CNNM4: variants seen among roughly 807,000 people sequenced by gnomAD.
The protein encoded by CNNM4 is metal transporter CNNM4.
In CNNM4, 32 loss-of-function variants were observed where a neutral mutation model predicts 53.7. That is an observed-to-expected ratio of 0.60 (90% CI 0.45 to 0.80). The LOEUF (loss-of-function observed/expected upper bound fraction) is 0.80. Among genes scored for constraint, CNNM4 ranks in the 30% least tolerant of loss-of-function variants. The probability of loss-of-function intolerance (pLI) is 0.00; values close to 1 mark genes in which losing one functional copy is unlikely to be tolerated. For synonymous variants in CNNM4, 410 were observed against 440.0 expected (o/e 0.93, Z 0.85); for missense variants, 784 against 1,022.0 (o/e 0.77, Z 3.17).
chr2:96,764,717 G>A lies in CNNM4; in HGVS notation c.1402+2316G>A, dbSNP rs76106524. On this transcript the variant is annotated intron_variant, in intron 1 of 6. Coordinates refer to ENST00000377075, the MANE Select transcript of CNNM4 (RefSeq NM_020184.4). The stretch of plus-strand genomic sequence containing the variant: ...TTTAAGAGTTTCTTGGCCAGGCGCG[G>A]TGGCTCATGCCTGTAATCCCAGCAC... Among the ~76,000 whole-genome samples, 49 of 152,286 alleles carry A rather than the reference G, an allele frequency of 3.2e-4. No individual in the cohort carries two copies. In the East Asian group the frequency reaches 7.7e-3, roughly 24 times the overall value.
rs2079119795 is a variant in CNNM4 at position 96,797,976 on chromosome 2, C to G, written c.1681+329C>G. ...GGCCGAGGCAGGAGGATTGCATGAG[C>G]CCAGGAGTTCGAGACCAGCCTGAGC... On this transcript the variant is annotated intron_variant, in intron 3 of 6. Coordinates refer to ENST00000377075, the MANE Select transcript of CNNM4 (RefSeq NM_020184.4). The surrounding 1 kb of genome is among the most constrained non-coding windows in gnomAD (Gnocchi z 6.0). Among the ~76,000 whole-genome samples the G allele has an allele frequency of 6.6e-6, 1 of 152,074 alleles. No homozygotes were observed. Among genetic ancestry groups the G allele is most frequent in the Admixed American group, 6.5e-5 (1 of 15,272 alleles).
Position 96,782,411 on chromosome 2 carries a change from C to CAA in CNNM4, c.1403-14586_1403-14585dup, listed in dbSNP as rs763103436. 1.7e-3 allele frequency among the ~76,000 whole-genome samples: 139 copies of CAA among 81,140 alleles called. 1 individual carries two copies. The highest frequency in any genetic ancestry group is 4.9e-3 in the African/African-American group (127 of 25,764). The allele number at this position is 81,140 out of a possible 152,430, so 53.2% of individuals were successfully genotyped here. A position where few individuals can be genotyped will look rare whatever the true frequency, so the allele number is the denominator to read the frequency against. ...TGGGCGACAGAGTGAGACATTGTCTCAAAAAAAAAAAAAAAAGAATTTTGG... is the reference window on the plus strand; with the variant it reads ...TGGGCGACAGAGTGAGACATTGTCTCAAAAAAAAAAAAAAAAAAGAATTTTGG... On this transcript the variant is annotated intron_variant, in intron 1 of 6. Transcript: ENST00000377075.
intron 4 of CNNM4, 46 bp downstream of exon 4, chr2:96,799,272 T>TG: frequency 6.2e-7 from 1 of 1,608,886 alleles, no homozygotes; most frequent in Non-Finnish European, 8.5e-7. Context: ...CCCCTGGCAC[T>TG]GCAGCAACCC....
At chr2:96,788,468 G>A (rs576217753) in intron 1 of CNNM4, 11 of 152,236 alleles carry the variant, frequency 7.2e-5, no homozygotes, top group East Asian at 5.8e-4. Context: ...TGCCCTCCCC[G>A]AGGCTAGAGG....
Position 96,799,181 on chromosome 2 carries a change from G to A in CNNM4, c.1806G>A (p.Leu602=), listed in dbSNP as rs200620451. ...EHNKYYARHY[L]YTRNKPADYF... The stretch of plus-strand genomic sequence containing the variant: ...ATAAGTACTACGCCCGCCATTACCT[G>A]TACACCCGAAATAAGCCGGCCGACT... The change falls in exon 4 of 7, where the codon CTG becomes CTA. Residue 602 remains leucine (L), a synonymous_variant. Transcript: ENST00000377075. The A allele has an allele frequency of 1.2e-6, 2 of 1,614,172 alleles. No homozygotes were observed. The highest frequency in any genetic ancestry group is 2.2e-5 in the East Asian group (1 of 44,888).
At chr2:96,781,187 G>A (rs2078972782) in intron 1 of CNNM4, among the ~76,000 whole-genome samples, 1 of 151,750 alleles carries the variant, frequency 6.6e-6, no homozygotes, top group Non-Finnish European at 1.5e-5. Context: ...CACTGTGTTA[G>A]CCAAGATGGT....
Position 96,799,118 on chromosome 2 carries a change from C to T in CNNM4, c.1743C>T (p.Tyr581=), listed in dbSNP as rs1432600424. 3 of 1,613,948 alleles carry T rather than the reference C, an allele frequency of 1.9e-6. No homozygotes were observed. In the African/African-American group the frequency reaches 4.0e-5, roughly 22 times the overall value. Residue 581 remains tyrosine (Y), a synonymous_variant, in exon 4 of 7, where the codon TAC becomes TAT. Transcript: ENST00000377075. Reference sequence around the variant, plus strand: ...AGATCCTGCTGCGGCTACTCAAGTACCCAGATGTCATTCAGGAACTCAAGT... The same window carrying T: ...AGATCCTGCTGCGGCTACTCAAGTATCCAGATGTCATTCAGGAACTCAAGT... ...SEKILLRLLK[Y]PDVIQELKFD... is the part of the protein sequence containing the mutation.
chr2:96,807,167 C>T (rs755252657), intron 5 of CNNM4, among the ~76,000 whole-genome samples: 14 of 152,172 alleles, frequency 9.2e-5, no homozygotes, highest in Non-Finnish European at 1.8e-4. Context: ...AAAGCCACCA[C>T]GCCTGGCTAA....
intron 1 of CNNM4, among the ~76,000 whole-genome samples, chr2:96,784,238 G>A (rs924778560): frequency 2.0e-5 from 3 of 152,098 alleles, no homozygotes; most frequent in Admixed American, 1.3e-4. Context: ...CTGCACTCTA[G>A]CCTGGGTGGC....
rs1433633249 is a variant in CNNM4, at chr2:96,761,824, C to T, written c.825C>T (p.Ser275=). Residue 275 remains serine (S), a synonymous_variant, in exon 1 of 7, where the codon TCC becomes TCT. Transcript: ENST00000377075. This position sits in a 1 kb window ranked among gnomAD's most constrained non-coding sequence, Gnocchi z 6.0. ...IGSGLMAVAS[S]TIGIVIFGEI... ...CCGGCCTCATGGCGGTGGCCTCCTC[C>T]ACCATTGGCATTGTCATCTTTGGGG... 6.2e-7 allele frequency: 1 copy of T among 1,614,104 alleles called. No individual in the cohort carries two copies. Among genetic ancestry groups the T allele is most frequent in the Admixed American group, 1.7e-5 (1 of 60,026 alleles).
At chr2:96,798,708 G>A (rs1017129186) in intron 3 of CNNM4, among the ~76,000 whole-genome samples, 7 of 152,130 alleles carry the variant, frequency 4.6e-5, no homozygotes, top group African/African-American at 1.7e-4. Flanking sequence ...TATACTAAGT[G>A]CTGTCCATGT....
At chr2:96,804,633 C>T (rs2153350842) in intron 5 of CNNM4, among the ~76,000 whole-genome samples, 1 of 151,728 alleles carries the variant, frequency 6.6e-6, no homozygotes, top group Non-Finnish European at 1.5e-5. Context: ...GAACTCCTGA[C>T]CTCGTGATCC....
intron 3 of CNNM4, among the ~76,000 whole-genome samples, chr2:96,798,540 C>T (rs111368952): frequency 0.019 from 2,918 of 152,298 alleles, 55 homozygotes; most frequent in Non-Finnish European, 0.024. Flanking sequence ...CTGCTCTGCC[C>T]GCTCTGTCCC....
chr2:96,801,571 GAGAT>G lies in CNNM4; in HGVS notation c.1948+1926_1948+1929del, dbSNP rs1469811735. Reference sequence around the variant, plus strand: ...CACACACACACAGAGACCACACACAGAGATAGCACACACACAGAGAGACCACACA... The same window carrying G: ...CACACACACACAGAGACCACACACAGAGCACACACACAGAGAGACCACACA... On this transcript the variant is annotated intron_variant, in intron 5 of 6. Coordinates refer to ENST00000377075, the MANE Select transcript of CNNM4 (RefSeq NM_020184.4). The surrounding 1 kb of genome is among the most constrained non-coding windows in gnomAD (Gnocchi z 5.6). Among the ~76,000 whole-genome samples the G allele has an allele frequency of 7.1e-6, 1 of 141,276 alleles. No individual in the cohort carries two copies. Among genetic ancestry groups the G allele is most frequent in the Admixed American group, 7.2e-5 (1 of 13,934 alleles). The allele number at this position is 141,276 out of a possible 152,430, so 92.7% of individuals were successfully genotyped here.
In CNNM4 at chr2:96,797,506, C is replaced by T. The variant is rs1288731616; in HGVS notation, c.1547-7C>T. The stretch of plus-strand genomic sequence containing the variant: ...GTGTTCTCAATTCCACGCTCTTCTT[C>T]CGGCAGCTGACAACCGAAGCCGGAA... On this transcript the variant is annotated splice_polypyrimidine_tract_variant and splice_region_variant and intron_variant, in intron 2 of 6. Transcript: ENST00000377075. This position sits in a 1 kb window ranked among gnomAD's most constrained non-coding sequence, Gnocchi z 6.0. 1 of 1,613,906 alleles carries T rather than the reference C, an allele frequency of 6.2e-7. No homozygotes were observed. The highest frequency in any genetic ancestry group is 8.5e-7 in the Non-Finnish European group (1 of 1,180,040).
At chr2:96,787,160 A>G (rs2079023302) in intron 1 of CNNM4, among the ~76,000 whole-genome samples, 1 of 152,166 alleles carries the variant, frequency 6.6e-6, no homozygotes, top group Admixed American at 6.6e-5. Flanking sequence ...TTTCCTTTGT[A>G]TTAAGGTCAC....
chr2:96,788,464 C>T (rs1341527002), intron 1 of CNNM4: 2 of 152,162 alleles, frequency 1.3e-5, no homozygotes, highest in Non-Finnish European at 2.9e-5. Flanking sequence ...CAGCTGCCCT[C>T]CCCGAGGCTA....
At chr2:96,769,817 T>TCCAA (rs1184617319) in intron 1 of CNNM4, among the ~76,000 whole-genome samples, 2 of 152,166 alleles carry the variant, frequency 1.3e-5, no homozygotes, top group African/African-American at 4.8e-5. Context: ...GCACCGGTTC[T>TCCAA]CCGTCAGCCC....
In CNNM4 at chr2:96,791,991, C is replaced by T. The variant is rs370560816; in HGVS notation, c.1403-5021C>T. On this transcript the variant is annotated intron_variant, in intron 1 of 6. Transcript: ENST00000377075. ...CACCTCCTGGGTTCAAGCAATTCTG[C>T]GCCTGAAATCTCAGCACTTTGGGAG... 4.7e-4 allele frequency among the ~76,000 whole-genome samples: 72 copies of T among 151,626 alleles called. No individual in the cohort carries two copies. The East Asian group carries it at 5.9e-3, about 12-fold the overall frequency.
Sources: allele counts gnomAD v4.1 joint callset (sites outside exome capture counted in the v4.1 genomes callset), GRCh38; gene constraint gnomAD v4.1.1; non-coding constraint Gnocchi (gnomAD v3.1); transcripts MANE v1.5; gene names NCBI Gene and HGNC (gene_info 2026-07-23, HGNC 2026-07-21).